The following SASS6 variants were observed in gnomAD, a reference collection of about 807,000 sequenced individuals.
The protein encoded by SASS6 is SAS-6 centriolar assembly protein, also known as spindle assembly abnormal protein 6 homolog.
A neutral mutation model predicts 94.9 loss-of-function variants in SASS6; 59 were observed. The ratio of observed to expected loss-of-function variants is 0.62; its 90% CI spans 0.50 to 0.77. The LOEUF (loss-of-function observed/expected upper bound fraction) is 0.77. Ranked by LOEUF, SASS6 falls within the 30% of genes least tolerant of loss-of-function variation. SASS6 has a pLI of 0.00. For missense variants in SASS6, 698 were observed against 734.1 expected (o/e 0.95, Z 0.57); for synonymous variants, 264 against 270.0 (o/e 0.98, Z 0.22).
chr1:100,102,675 C>CAA lies in SASS6; in HGVS notation c.1674+278_1674+279dup, dbSNP rs67844941. 0.062 allele frequency among the ~76,000 whole-genome samples: 4,303 copies of CAA among 69,960 alleles called. 151 individuals are homozygous for CAA. Among genetic ancestry groups the CAA allele is most frequent in the African/African-American group, 0.068 (1,361 of 19,916 alleles). The allele number at this position is 69,960 out of a possible 152,430, so 45.9% of individuals were successfully genotyped here. On this transcript the variant is annotated intron_variant, in intron 14 of 16. Transcript: ENST00000287482. ...CCTGGACAACCGAGCAAGACTGTCT[C>CAA]AAAAAAAAAAAAAAAAAAAGGAGAG...
At chr1:100,126,964 T>C (rs968357764) in intron 1 of SASS6, among the ~76,000 whole-genome samples, 2 of 152,182 alleles carry the variant, frequency 1.3e-5, no homozygotes, top group Non-Finnish European at 2.9e-5. Flanking sequence ...AACAAGTTTA[T>C]TACACCTATT....
chr1:100,109,219 A>G lies in SASS6; in HGVS notation c.861+1073T>C, dbSNP rs529809265. ...AGTGTATGCAGGAAAAACAGAAGACATCTATTATTGGGGCAAAACAATATG... is the reference window on the plus strand; with the variant it reads ...AGTGTATGCAGGAAAAACAGAAGACGTCTATTATTGGGGCAAAACAATATG... On this transcript the variant is annotated intron_variant, in intron 8 of 16. Transcript: ENST00000287482. 1.1e-4 allele frequency among the ~76,000 whole-genome samples: 17 copies of G among 152,162 alleles called. No homozygotes were observed. In the South Asian group the frequency reaches 3.1e-3, roughly 28 times the overall value.
chr1:100,125,222 AGTGTGTGT>A (rs59388922), intron 2 of SASS6, among the ~76,000 whole-genome samples: 17 of 143,662 alleles, frequency 1.2e-4, no homozygotes, highest in Non-Finnish European at 2.0e-4. Context: ...ACAAGGCAGC[AGTGTGTGT>A]GTGTGTGTGT....
chr1:100,094,879 A>C (rs1652007791), intron 14 of SASS6, among the ~76,000 whole-genome samples: 1 of 151,680 alleles, frequency 6.6e-6, no homozygotes, highest in Admixed American at 6.6e-5. Flanking sequence ...AAAAAAAAAA[A>C]AGAAAAAGAA....
rs1207875162 is a variant in SASS6 at position 100,085,420 on chromosome 1, C to T, written c.1882G>A (p.Gly628Ser). The part of the protein sequence containing the change: ...LFSNSDHQRD[G>S]TLGALHTSSK... ...GATGTATGTAATGCTCCTAAAGTGC[C>T]ATCTCTCTGATGGTCTGCAAATGAG... Residue 628 changes from glycine to serine, a missense_variant, in exon 17 of 17, where the codon GGC (glycine) becomes AGC (serine). Transcript: ENST00000287482. 6.2e-7 allele frequency: 1 copy of T among 1,611,714 alleles called. No homozygotes were observed. Among genetic ancestry groups the T allele is most frequent in the African/African-American group, 1.3e-5 (1 of 74,952 alleles).
chr1:100,102,998 G>C lies in SASS6; in HGVS notation c.1631C>G (p.Ser544Trp). The change falls in exon 14 of 17, where the codon TCG becomes TGG. Residue 544 changes from serine (S) to tryptophan (W), a missense_variant. Ser to Trp is a radical substitution (Grantham distance 177). Transcript: ENST00000287482. ...AFAFQNTFPH[S>W]ISAKNTSHPG... is the part of the protein sequence containing the mutation. ...GTGGCTGGTATTTTTGGCAGATATC[G>C]AATGAGGGAAGGTATTCTGGAATGC... 6.2e-7 allele frequency: 1 copy of C among 1,611,222 alleles called. No individual in the cohort carries two copies.
chr1:100,118,852 AGATT>A (rs1245589315), intron 7 of SASS6, among the ~76,000 whole-genome samples, 162 bp downstream of exon 7: 2 of 152,198 alleles, frequency 1.3e-5, no homozygotes, highest in Non-Finnish European at 2.9e-5. Context: ...AAATGTTTAT[AGATT>A]ATCTCTAGGT....
intron 7 of SASS6, among the ~76,000 whole-genome samples, chr1:100,111,791 T>G (rs943318288): frequency 7.9e-5 from 12 of 152,056 alleles, no homozygotes; most frequent in African/African-American, 2.9e-4. Context: ...CATATAAAAT[T>G]GAAAATGCCA....
chr1:100,112,598 T>C (rs1245381143), intron 7 of SASS6, among the ~76,000 whole-genome samples: 1 of 152,222 alleles, frequency 6.6e-6, no homozygotes, highest in Non-Finnish European at 1.5e-5. Flanking sequence ...TAATGTCCAC[T>C]TGAATAGATA....
intron 5 of SASS6, 91 bp from the exon 6 acceptor site, chr1:100,120,550 G>A (rs1654113902): frequency 3.2e-6 from 2 of 630,440 alleles, no homozygotes; most frequent in African/African-American, 3.7e-5. Context: ...CATCCTGGAA[G>A]CCTGTTAGAA....
intron 5 of SASS6, among the ~76,000 whole-genome samples, chr1:100,120,876 C>T (rs1342347736): frequency 6.6e-6 from 1 of 151,558 alleles, no homozygotes; most frequent in East Asian, 1.9e-4. Flanking sequence ...CGGTGAAACC[C>T]CGTCTCTACT....
chr1:100,085,705 TATATATA>T (rs1407656748), intron 15 of SASS6, 75 bp from the exon 16 acceptor site: 4 of 810,564 alleles, frequency 4.9e-6, no homozygotes, highest in Non-Finnish European at 8.1e-6. Flanking sequence ...TATGTATACA[TATATATA>T]AGATAATGTA....
chr1:100,111,279 C>T, intron 7 of SASS6, among the ~76,000 whole-genome samples: 1 of 152,062 alleles, frequency 6.6e-6, no homozygotes, highest in East Asian at 1.9e-4. Flanking sequence ...CATAAACACA[C>T]AATATACATA....
chr1:100,108,438 C>T (rs1653071160), intron 8 of SASS6, among the ~76,000 whole-genome samples: 1 of 152,044 alleles, frequency 6.6e-6, no homozygotes, highest in Admixed American at 6.6e-5. Flanking sequence ...TCACGTATTA[C>T]AAATATCTTT....
In SASS6 at chr1:100,108,440, AAT is replaced by A. The variant is rs1482576486; in HGVS notation, c.862-438_862-437del. On this transcript the variant is annotated intron_variant, in intron 8 of 16. Transcript: ENST00000287482. ...TAATCTACCTTCTTCACGTATTACA[AAT>A]ATCTTTCTATGTCAATAAATGTTAA... 5.9e-5 allele frequency among the ~76,000 whole-genome samples: 9 copies of A among 152,070 alleles called. 1 individual carries two copies. Among genetic ancestry groups the A allele is most frequent in the Admixed American group, 5.9e-4 (9 of 15,262 alleles).
At chr1:100,113,420 A>G (rs1051970323) in intron 7 of SASS6, among the ~76,000 whole-genome samples, 12 of 152,058 alleles carry the variant, frequency 7.9e-5, no homozygotes, top group Admixed American at 7.9e-4. Flanking sequence ...CATCCTGGCT[A>G]ACACGGTGAA....
chr1:100,123,202 TTA>T lies in SASS6; in HGVS notation c.206+6_206+7del. On this transcript the variant is annotated splice_donor_region_variant and intron_variant, in intron 3 of 16. Coordinates refer to ENST00000287482, the MANE Select transcript of SASS6 (RefSeq NM_194292.3). The stretch of plus-strand genomic sequence containing the variant: ...ACTAAATATAAGATCAGAAAAAAAT[TTA>T]GTTACCTTTGAAAATCTTCCTCAGA... The T allele has an allele frequency of 1.6e-6, 2 of 1,266,356 alleles. No homozygotes were observed. Among genetic ancestry groups the T allele is most frequent in the Non-Finnish European group, 2.3e-6 (2 of 882,540 alleles). The allele number at this position is 1,266,356 out of a possible 1,614,324, so 78.4% of individuals were successfully genotyped here.
rs1339842587 is a variant in SASS6, at chr1:100,111,751, G to A, written c.670-1268C>T. 2.6e-5 allele frequency among the ~76,000 whole-genome samples: 4 copies of A among 151,962 alleles called. No homozygotes were observed. In the East Asian group the frequency reaches 7.7e-4, roughly 29 times the overall value. ...AGAAAGCTGAAAAGGAGAGGAGAAG[G>A]AGCAAAAAGAGATAAAACAGGAAGC... On this transcript the variant is annotated intron_variant, in intron 7 of 16. Transcript: ENST00000287482.
At chr1:100,123,604 G>C (rs1654360654) in intron 2 of SASS6, among the ~76,000 whole-genome samples, 1 of 152,196 alleles carries the variant, frequency 6.6e-6, no homozygotes, top group South Asian at 2.1e-4. Context: ...ACCATAACAT[G>C]ATGAAAATTT....
Sources: gnomAD v4.1 joint callset for allele counts (sites outside exome capture counted in the v4.1 genomes callset) on GRCh38, gnomAD v4.1.1 for gene constraint, MANE v1.5 for transcripts, NCBI Gene and HGNC (gene_info 2026-07-23, HGNC 2026-07-21) for gene names.